Variants in CELSR1 observed in about 807,000 individuals in gnomAD.
CELSR1 encodes adhesion G protein-coupled receptor C1.
In CELSR1, 110 loss-of-function variants were observed where a neutral mutation model predicts 249.1. The ratio of observed to expected loss-of-function variants is 0.44; its 90% CI spans 0.38 to 0.52. The LOEUF is 0.52. Among genes scored for constraint, CELSR1 ranks in the 20% least tolerant of loss-of-function variants. The pLI is 0.00. For missense variants in CELSR1, 4,109 were observed against 4,296.4 expected (o/e 0.96, Z 1.22); for synonymous variants, 2,113 against 1,900.0 (o/e 1.11, Z -2.92).
rs1308412691 is a variant in CELSR1, at chr22:46,428,568, T to A, written c.4611+4825A>T. 6.6e-6 allele frequency among the ~76,000 whole-genome samples: 1 copy of A among 152,222 alleles called. No homozygotes were observed. The highest frequency in any genetic ancestry group is 2.1e-4 in the South Asian group (1 of 4,826). ...CAGGGGCCTGACAATGATGAAGACCTCTTGGTTGTCAAAACCGGGTTAGGG... is the reference window on the plus strand; with the variant it reads ...CAGGGGCCTGACAATGATGAAGACCACTTGGTTGTCAAAACCGGGTTAGGG... On this transcript the variant is annotated intron_variant, in intron 5 of 34. Transcript: ENST00000674500. The surrounding 1 kb of genome is among the most constrained non-coding windows in gnomAD (Gnocchi z 5.7).
rs879521539 is a variant in CELSR1, at chr22:46,446,460, C to T, written c.4184-7049G>A. On this transcript the variant is annotated intron_variant, in intron 2 of 34. Coordinates refer to ENST00000674500, the MANE Select transcript of CELSR1 (RefSeq NM_001378328.1). This position sits in a 1 kb window ranked among gnomAD's most constrained non-coding sequence, Gnocchi z 5.5. Reference sequence around the variant, plus strand: ...AGCCCTGCTTGTGCGATGGTTCCCCCGTGTGTTTCTCTCCCCAGCTCTGTG... The same window carrying T: ...AGCCCTGCTTGTGCGATGGTTCCCCTGTGTGTTTCTCTCCCCAGCTCTGTG... Among the ~76,000 whole-genome samples the T allele has an allele frequency of 2.6e-5, 4 of 152,300 alleles. No individual in the cohort carries two copies. The East Asian group carries it at 7.7e-4, about 29-fold the overall frequency.
chr22:46,455,930 G>A (rs990692431), intron 2 of CELSR1, among the ~76,000 whole-genome samples: 1 of 152,216 alleles, frequency 6.6e-6, no homozygotes, highest in African/African-American at 2.4e-5. Flanking sequence ...CAGGGACATG[G>A]CAAATCTCAA....
chr22:46,451,217 A>T (rs1433130388), intron 2 of CELSR1, among the ~76,000 whole-genome samples: 1 of 152,070 alleles, frequency 6.6e-6, no homozygotes, highest in Non-Finnish European at 1.5e-5. Context: ...CCCACCTGGC[A>T]AGGTAGCCAG....
At chr22:46,451,014 A>G (rs874828) in intron 2 of CELSR1, among the ~76,000 whole-genome samples, 51,356 of 152,014 alleles carry the variant, frequency 0.34, 9,792 homozygotes, top group African/African-American at 0.51. Context: ...TTCCTGAGAC[A>G]GGAGGCACCC....
At chr22:46,418,709 T>C (rs1391236656) in intron 5 of CELSR1, among the ~76,000 whole-genome samples, 1 of 152,154 alleles carries the variant, frequency 6.6e-6, no homozygotes, top group Non-Finnish European at 1.5e-5. Flanking sequence ...AAGAAAGTAA[T>C]GCACGGTGCT....
Position 46,412,865 on chromosome 22 carries a change from C to G in CELSR1, c.4612-1106G>C, listed in dbSNP as rs2079354421. ...CATCTGCACAACCTGGATAACAAGA[C>G]CTACATCCCACAGGTGGCCGTGACG... On this transcript the variant is annotated intron_variant, in intron 5 of 34. Transcript: ENST00000674500. This position sits in a 1 kb window ranked among gnomAD's most constrained non-coding sequence, Gnocchi z 4.5. Among the ~76,000 whole-genome samples the G allele has an allele frequency of 6.6e-6, 1 of 152,238 alleles. No individual in the cohort carries two copies. Among genetic ancestry groups the G allele is most frequent in the South Asian group, 2.1e-4 (1 of 4,834 alleles).
At chr22:46,375,864 G>A (rs1211181146) in intron 24 of CELSR1, among the ~76,000 whole-genome samples, 1 of 152,176 alleles carries the variant, frequency 6.6e-6, no homozygotes, top group East Asian at 1.9e-4. Flanking sequence ...CTCATAACGT[G>A]CCTGTAGACT....
intron 33 of CELSR1, 122 bp downstream of exon 33, chr22:46,364,390 C>T (rs1490346785): frequency 1.1e-5 from 16 of 1,491,642 alleles, no homozygotes; most frequent in South Asian, 7.7e-5. Flanking sequence ...CAGGAGGCCA[C>T]GTCTGTTCTG....
At chr22:46,482,595 A>C (rs2080276915) in intron 1 of CELSR1, among the ~76,000 whole-genome samples, 1 of 152,050 alleles carries the variant, frequency 6.6e-6, no homozygotes, top group South Asian at 2.1e-4. Flanking sequence ...TATGCCTGTA[A>C]ACTCAGCTAC....
chr22:46,395,400 C>A lies in CELSR1; in HGVS notation c.5844-1138G>T, dbSNP rs1364660027. On this transcript the variant is annotated intron_variant, in intron 13 of 34. Coordinates refer to ENST00000674500, the MANE Select transcript of CELSR1 (RefSeq NM_001378328.1). The surrounding 1 kb of genome is among the most constrained non-coding windows in gnomAD (Gnocchi z 5.5). ...GCTTGCGGGCCCACCTCTGTCCCCA[C>A]CCAGGCCTCTCTAGATCAGCCTCAT... Among the ~76,000 whole-genome samples the A allele has an allele frequency of 2.6e-5, 4 of 152,116 alleles. No individual in the cohort carries two copies. The highest frequency in any genetic ancestry group is 6.5e-5 in the Admixed American group (1 of 15,274).
chr22:46,367,259 C>T (rs1264937305), intron 28 of CELSR1, 141 bp from the exon 29 acceptor site: 4 of 1,198,700 alleles, frequency 3.3e-6, no homozygotes, highest in Middle Eastern at 2.9e-4. Context: ...CCAGGCCTCC[C>T]CTCCTCAGGG....
rs2079141523 is a variant in CELSR1 at position 46,395,809 on chromosome 22, T to C, written c.5843+796A>G. Among the ~76,000 whole-genome samples, 1 of 152,144 alleles carries C rather than the reference T, an allele frequency of 6.6e-6. No individual in the cohort carries two copies. The highest frequency in any genetic ancestry group is 1.5e-5 in the Non-Finnish European group (1 of 68,026). On this transcript the variant is annotated intron_variant, in intron 13 of 34. Coordinates refer to ENST00000674500, the MANE Select transcript of CELSR1 (RefSeq NM_001378328.1). This position sits in a 1 kb window ranked among gnomAD's most constrained non-coding sequence, Gnocchi z 5.5. ...TATGAAGAACCCAGCAGCTCCACCTTGGACAAAGTGACGCTTGTGATGACT... is the reference window on the plus strand; with the variant it reads ...TATGAAGAACCCAGCAGCTCCACCTCGGACAAAGTGACGCTTGTGATGACT...
chr22:46,463,183 C>T (rs971622564), intron 2 of CELSR1, among the ~76,000 whole-genome samples: 3 of 152,192 alleles, frequency 2.0e-5, no homozygotes, highest in Non-Finnish European at 2.9e-5. Context: ...GTGAGTAAGC[C>T]GTGGGCTACG....
Position 46,408,680 on chromosome 22 carries a change from G to A in CELSR1, c.5226+316C>T, listed in dbSNP as rs1423069647. Among the ~76,000 whole-genome samples, 1 of 152,190 alleles carries A rather than the reference G, an allele frequency of 6.6e-6. No individual in the cohort carries two copies. Among genetic ancestry groups the A allele is most frequent in the East Asian group, 1.9e-4 (1 of 5,186 alleles). ...CTGGTGAGGCTCACTGTTTCCGCCT[G>A]AAGGCTCGGCACCTCCCTCAGTTCT... On this transcript the variant is annotated intron_variant, in intron 9 of 34. Transcript: ENST00000674500. The surrounding 1 kb of genome is among the most constrained non-coding windows in gnomAD (Gnocchi z 4.6).
chr22:46,535,068 G>C lies in CELSR1; in HGVS notation c.2103C>G (p.Ala701=), dbSNP rs927125460. 2.5e-6 allele frequency: 4 copies of C among 1,612,470 alleles called. No homozygotes were observed. Among genetic ancestry groups the C allele is most frequent in the South Asian group, 1.1e-5 (1 of 91,076 alleles). Residue 701 remains alanine, a synonymous_variant, in exon 1 of 35, where the codon GCC becomes GCG. Coordinates refer to ENST00000674500, the MANE Select transcript of CELSR1 (RefSeq NM_001378328.1). Reference sequence around the variant, plus strand: ...GCAGGGTCAGCACGCTGCTCCCCACGGCCGCATCCTCATTCAGACGAAGCT... The same window carrying C: ...GCAGGGTCAGCACGCTGCTCCCCACCGCCGCATCCTCATTCAGACGAAGCT... The part of the protein sequence containing the change: ...TYELRLNEDA[A]VGSSVLTLQA...
chr22:46,536,056 A>G lies in CELSR1; in HGVS notation c.1115T>C (p.Val372Ala), dbSNP rs201491536. The G allele has an allele frequency of 1.1e-5, 17 of 1,610,878 alleles. No individual in the cohort carries two copies. The Admixed American group carries it at 2.3e-4, about 22-fold the overall frequency. Residue 372 changes from valine (V) to alanine (A), a missense_variant, in exon 1 of 35, where the codon GTG (valine) becomes GCG (alanine). By Grantham distance (64) the Val-to-Ala change is moderately conservative (BLOSUM62 0). This residue lies in a region of CELSR1 where 673 missense variants were observed against 636.8 expected (regional missense o/e 1.06). Transcript: ENST00000674500. The stretch of plus-strand genomic sequence containing the variant: ...GCGGTCGCTGGCGCGGATGGTCAGC[A>G]CCTCGTAGCCCACCTCCAGGTTCTC... ...VRENLEVGYEVLTIRASDRDS... is the reference protein window; with the variant it reads ...VRENLEVGYEALTIRASDRDS...
chr22:46,499,594 G>T (rs369652942), intron 1 of CELSR1, among the ~76,000 whole-genome samples: 2 of 152,330 alleles, frequency 1.3e-5, no homozygotes, highest in South Asian at 2.1e-4. Flanking sequence ...GCACAGATAT[G>T]CAAAGACTTG....
chr22:46,529,769 C>T (rs2080773819), intron 1 of CELSR1, among the ~76,000 whole-genome samples: 1 of 151,224 alleles, frequency 6.6e-6, no homozygotes, highest in Non-Finnish European at 1.5e-5. Flanking sequence ...TGTCACTGCA[C>T]TCTAGGCTGG....
intron 2 of CELSR1, among the ~76,000 whole-genome samples, chr22:46,457,467 T>TG (rs1360641598): frequency 6.6e-6 from 1 of 152,192 alleles, no homozygotes; most frequent in African/African-American, 2.4e-5. Flanking sequence ...CACCCAGGTC[T>TG]GCCTCTACCC....
Sources: allele counts gnomAD v4.1 joint callset (sites outside exome capture counted in the v4.1 genomes callset), GRCh38; gene constraint gnomAD v4.1.1; regional missense constraint gnomAD v4.1.1; non-coding constraint Gnocchi (gnomAD v3.1); transcripts MANE v1.5; gene names NCBI Gene and HGNC (gene_info 2026-07-23, HGNC 2026-07-21).